Variants in ASIC2 observed in about 807,000 individuals in gnomAD.
ASIC2 encodes the protein acid sensing ion channel subunit 2.
In ASIC2, 25 loss-of-function variants were observed where a neutral mutation model predicts 57.3. The observed-to-expected ratio is 0.44, with a 90% CI of 0.32 to 0.61. The LOEUF (loss-of-function observed/expected upper bound fraction) is 0.61. ASIC2 is among the 20% of genes least tolerant of loss of function. The pLI is 0.06. For synonymous variants in ASIC2, 319 were observed against 307.5 expected (o/e 1.04, Z -0.39); for missense variants, 641 against 738.1 (o/e 0.87, Z 1.52).
intron 1 of ASIC2, among the ~76,000 whole-genome samples, chr17:34,040,375 C>T (rs886464852): frequency 1.6e-5 from 2 of 125,028 alleles, no homozygotes; most frequent in Non-Finnish European, 3.2e-5. Flanking sequence ...TGTTTCCTCG[C>T]GAGATTTGCA....
intron 1 of ASIC2, among the ~76,000 whole-genome samples, chr17:34,033,119 G>T (rs1013751834): frequency 5.4e-4 from 82 of 152,220 alleles, no homozygotes; most frequent in African/African-American, 1.9e-3. Flanking sequence ...TGGAAGTAAA[G>T]CACTCCTCAG....
At chr17:33,360,985 G>T (rs1471826484) in intron 1 of ASIC2, among the ~76,000 whole-genome samples, 1 of 152,156 alleles carries the variant, frequency 6.6e-6, no homozygotes, top group Non-Finnish European at 1.5e-5. Flanking sequence ...CCCTGGGTTT[G>T]CAGACCACTT....
chr17:33,289,134 G>A (rs938470834), intron 1 of ASIC2, among the ~76,000 whole-genome samples: 1 of 152,200 alleles, frequency 6.6e-6, no homozygotes, highest in East Asian at 1.9e-4. Flanking sequence ...ACTGGGCCAT[G>A]ATAGGAAGCC....
At chr17:33,287,833 G>A (rs1905257785) in intron 1 of ASIC2, among the ~76,000 whole-genome samples, 1 of 152,164 alleles carries the variant, frequency 6.6e-6, no homozygotes, top group African/African-American at 2.4e-5. Flanking sequence ...GGGAGCACAG[G>A]TGTCTGGGGA....
At chr17:33,104,618 A>G (rs1247921638) in intron 2 of ASIC2, among the ~76,000 whole-genome samples, 1 of 152,230 alleles carries the variant, frequency 6.6e-6, no homozygotes, top group Admixed American at 6.5e-5. Flanking sequence ...ATTCAGTATA[A>G]TGATTCTGCT....
At chr17:33,537,954 CA>C (rs1229421268) in intron 1 of ASIC2, among the ~76,000 whole-genome samples, 1 of 152,158 alleles carries the variant, frequency 6.6e-6, no homozygotes, top group Non-Finnish European at 1.5e-5. Flanking sequence ...ATAACTTTTT[CA>C]CTACGTGACT....
intron 3 of ASIC2, among the ~76,000 whole-genome samples, chr17:33,081,882 G>A (rs1376912801): frequency 2.0e-5 from 3 of 152,150 alleles, no homozygotes; most frequent in Non-Finnish European, 4.4e-5. Context: ...GAGCCAACTG[G>A]TCCTGCCAAA....
At chr17:33,101,279 G>A (rs1474087955) in intron 2 of ASIC2, among the ~76,000 whole-genome samples, 5 of 152,150 alleles carry the variant, frequency 3.3e-5, no homozygotes, top group African/African-American at 9.7e-5. Context: ...CGTGCTACCC[G>A]TGATAGCTGC....
At chr17:33,105,809 T>A (rs1453483568) in intron 2 of ASIC2, among the ~76,000 whole-genome samples, 1 of 152,190 alleles carries the variant, frequency 6.6e-6, no homozygotes, top group Admixed American at 6.5e-5. Flanking sequence ...ATGAGGAACT[T>A]GTTGAAAGCT....
chr17:33,521,609 G>T (rs1914744127), intron 1 of ASIC2, among the ~76,000 whole-genome samples: 1 of 152,212 alleles, frequency 6.6e-6, no homozygotes, highest in Non-Finnish European at 1.5e-5. Context: ...GATGGGCAAG[G>T]AAGATGTTGG....
At chr17:33,375,820 G>T (rs1262495931) in intron 1 of ASIC2, among the ~76,000 whole-genome samples, 1 of 152,220 alleles carries the variant, frequency 6.6e-6, no homozygotes, top group Non-Finnish European at 1.5e-5. Context: ...TGAATTCCAA[G>T]TGTTGTCCTG....
At chr17:33,484,942 G>T (rs2141929679) in intron 1 of ASIC2, among the ~76,000 whole-genome samples, 1 of 152,354 alleles carries the variant, frequency 6.6e-6, no homozygotes, top group South Asian at 2.1e-4. Flanking sequence ...GCCACTGTCA[G>T]CACACCTATG....
intron 1 of ASIC2, among the ~76,000 whole-genome samples, chr17:33,367,061 C>T (rs1156641634): frequency 1.3e-5 from 2 of 152,234 alleles, no homozygotes; most frequent in Admixed American, 1.3e-4. Flanking sequence ...GTGTACCAGG[C>T]CCTGCTGAAT....
intron 1 of ASIC2, among the ~76,000 whole-genome samples, chr17:33,993,678 A>G (rs1403017583): frequency 3.3e-5 from 5 of 152,186 alleles, no homozygotes; most frequent in African/African-American, 9.7e-5. Flanking sequence ...TAGCACATAA[A>G]TGGATACATC....
chr17:33,391,080 C>T (rs993114346), intron 1 of ASIC2, among the ~76,000 whole-genome samples: 1 of 152,196 alleles, frequency 6.6e-6, no homozygotes. Flanking sequence ...TAATCTTCTC[C>T]TAACAATGTC....
At chr17:33,494,940 C>T (rs905067249) in intron 1 of ASIC2, among the ~76,000 whole-genome samples, 1 of 152,204 alleles carries the variant, frequency 6.6e-6, no homozygotes, top group African/African-American at 2.4e-5. Context: ...GCTCCAGGGT[C>T]TCTCTCTATA....
chr17:33,402,675 T>C (rs1443899874), intron 1 of ASIC2, among the ~76,000 whole-genome samples: 1 of 152,246 alleles, frequency 6.6e-6, no homozygotes, highest in Admixed American at 6.5e-5. Context: ...ATTGTCTTTA[T>C]CTAGTCTATC....
intron 1 of ASIC2, among the ~76,000 whole-genome samples, chr17:33,760,895 A>C (rs1910760056): frequency 6.6e-6 from 1 of 152,132 alleles, no homozygotes; most frequent in Non-Finnish European, 1.5e-5. Context: ...GCAGTACCTG[A>C]TTTTGTGAAA....
chr17:33,415,162 G>GAC (rs150124459), intron 1 of ASIC2, among the ~76,000 whole-genome samples: 16,067 of 152,224 alleles, frequency 0.11, 922 homozygotes, highest in Middle Eastern at 0.14. Flanking sequence ...GTTAAAACAT[G>GAC]ACACTTGGAC....
Sources: gnomAD v4.1 joint callset for allele counts (sites outside exome capture counted in the v4.1 genomes callset) on GRCh38, gnomAD v4.1.1 for gene constraint, MANE v1.5 for transcripts, NCBI Gene and HGNC (gene_info 2026-07-23, HGNC 2026-07-21) for gene names.